Variants in GPAT4 observed in about 807,000 individuals in gnomAD.
GPAT4 encodes 1-AGP acyltransferase 6.
A neutral mutation model predicts 58.0 loss-of-function variants in GPAT4; 17 were observed. The ratio of observed to expected loss-of-function variants is 0.29; its 90% confidence interval spans 0.20 to 0.44. GPAT4 has a LOEUF of 0.44. Among genes scored for constraint, GPAT4 ranks in the 20% least tolerant of loss-of-function variants. The pLI, the probability that GPAT4 is intolerant of heterozygous loss-of-function variation, is 1.00. For missense variants in GPAT4, 377 were observed against 574.5 expected (o/e 0.66, Z 3.51); for synonymous variants, 204 against 210.1 (o/e 0.97, Z 0.25).
intron 12 of GPAT4, 65 bp from the exon 13 acceptor site, chr8:41,620,827 TC>T (rs2150509302): frequency 6.5e-7 from 1 of 1,539,914 alleles, no homozygotes; most frequent in African/African-American, 1.4e-5. Flanking sequence ...ATGGTGCATC[TC>T]CCATGGTGTG....
intron 1 of GPAT4, among the ~76,000 whole-genome samples, chr8:41,597,088 G>A (rs1417156725): frequency 6.6e-6 from 1 of 152,184 alleles, no homozygotes; most frequent in Non-Finnish European, 1.5e-5. Context: ...GTCAGGGGTT[G>A]ATTTTTAACT....
chr8:41,617,911 C>T (rs748485417), intron 10 of GPAT4, among the ~76,000 whole-genome samples: 1 of 152,218 alleles, frequency 6.6e-6, no homozygotes, highest in African/African-American at 2.4e-5. Flanking sequence ...TTGCTCCTTG[C>T]GCAACTTCCT....
chr8:41,606,431 G>A (rs1803273673), intron 2 of GPAT4, among the ~76,000 whole-genome samples: 1 of 152,178 alleles, frequency 6.6e-6, no homozygotes, highest in African/African-American at 2.4e-5. Flanking sequence ...AGTGTGCTGT[G>A]TGAGTATAGT....
At chr8:41,592,958 T>A (rs1802833685) in intron 1 of GPAT4, among the ~76,000 whole-genome samples, 1 of 152,190 alleles carries the variant, frequency 6.6e-6, no homozygotes, top group South Asian at 2.1e-4. Flanking sequence ...TCCTTTTCAT[T>A]TTTTATCCAC....
intron 2 of GPAT4, among the ~76,000 whole-genome samples, chr8:41,604,491 T>G (rs1185988614): frequency 6.6e-6 from 1 of 152,246 alleles, no homozygotes; most frequent in East Asian, 1.9e-4. Context: ...AGGGTTTTAG[T>G]GTTTGCTTAA....
chr8:41,599,647 T>C (rs188044062), intron 2 of GPAT4, among the ~76,000 whole-genome samples: 23 of 152,340 alleles, frequency 1.5e-4, no homozygotes, highest in African/African-American at 5.3e-4. Flanking sequence ...ATTCCCTCAC[T>C]GAGAAGCATG....
At chr8:41,609,375 T>C (rs752879225) in intron 2 of GPAT4, 41 bp from the exon 3 acceptor site, 2 of 1,585,288 alleles carry the variant, frequency 1.3e-6, no homozygotes, top group South Asian at 2.2e-5. Context: ...TGAAAACAGG[T>C]CTCATTCTTG....
At chr8:41,600,459 TGAA>T (rs1470409972) in intron 2 of GPAT4, among the ~76,000 whole-genome samples, 2 of 152,204 alleles carry the variant, frequency 1.3e-5, no homozygotes, top group African/African-American at 4.8e-5. Flanking sequence ...ATTTTATCAA[TGAA>T]GAAAAAGACT....
At position 41,599,289 on chromosome 8, in the gene GPAT4, G is replaced by A. The variant is rs1803018121; in HGVS notation, c.150G>A (p.Leu50=). 4 of 1,613,782 alleles carry A rather than the reference G, an allele frequency of 2.5e-6. No individual in the cohort carries two copies. The highest frequency in any genetic ancestry group is 3.4e-6 in the Non-Finnish European group (4 of 1,179,960). The change falls in exon 2 of 13, where the codon CTG becomes CTA. Residue 50 remains leucine (L), a synonymous_variant. Coordinates refer to ENST00000396987, the MANE Select transcript of GPAT4 (RefSeq NM_178819.4). The stretch of plus-strand genomic sequence containing the variant: ...TCCGCAAACTCTACATGAAAAGTCT[G>A]TTAAAAATCTTTGCGGTAAGTTATG... ...FGIRKLYMKS[L]LKIFAWATLR... is the part of the protein sequence containing the mutation.
At chr8:41,600,578 A>G (rs1803060393) in intron 2 of GPAT4, among the ~76,000 whole-genome samples, 1 of 151,228 alleles carries the variant, frequency 6.6e-6, no homozygotes, top group African/African-American at 2.4e-5. Flanking sequence ...TATGTCTATA[A>G]GCATATGGTG....
intron 1 of GPAT4, among the ~76,000 whole-genome samples, chr8:41,593,403 T>G (rs1176520828): frequency 6.6e-6 from 1 of 152,190 alleles, no homozygotes; most frequent in Admixed American, 6.5e-5. Flanking sequence ...TTTGACTGGA[T>G]GTATACACTG....
intron 2 of GPAT4, among the ~76,000 whole-genome samples, chr8:41,600,545 G>GT (rs1296773601): frequency 2.7e-5 from 4 of 150,038 alleles, no homozygotes; most frequent in Admixed American, 6.6e-5. Context: ...TGAATCTTGG[G>GT]TTTTTTCTTT....
chr8:41,606,818 G>A (rs1195214120), intron 2 of GPAT4, among the ~76,000 whole-genome samples: 1 of 152,178 alleles, frequency 6.6e-6, no homozygotes, highest in Non-Finnish European at 1.5e-5. Context: ...CCCTTCAAAA[G>A]TGTAGATGCT....
At chr8:41,605,852 A>G (rs1003392831) in intron 2 of GPAT4, among the ~76,000 whole-genome samples, 8 of 152,204 alleles carry the variant, frequency 5.3e-5, no homozygotes, top group Admixed American at 1.3e-4. Flanking sequence ...GATTACAGGC[A>G]TGATCCACTG....
chr8:41,606,219 G>A (rs972692402), intron 2 of GPAT4, among the ~76,000 whole-genome samples: 2 of 152,196 alleles, frequency 1.3e-5, no homozygotes, highest in Non-Finnish European at 1.5e-5. Flanking sequence ...TCAGAAGTAC[G>A]AGTCATGTGA....
chr8:41,620,756 C>T (rs1236744263), intron 12 of GPAT4, 137 bp from the exon 13 acceptor site: 8 of 1,407,720 alleles, frequency 5.7e-6, no homozygotes, highest in Non-Finnish European at 7.6e-6. Flanking sequence ...CTGAGGTTGT[C>T]TTGGTGAGAG....
intron 1 of GPAT4, among the ~76,000 whole-genome samples, chr8:41,583,464 T>A (rs961028393): frequency 2.6e-5 from 4 of 152,160 alleles, no homozygotes; most frequent in Admixed American, 6.5e-5. Context: ...TTTAAAAAAA[T>A]TGTATAAAGT....
intron 1 of GPAT4, among the ~76,000 whole-genome samples, chr8:41,589,378 G>A (rs1200131102): frequency 2.4e-5 from 3 of 125,776 alleles, no homozygotes; most frequent in South Asian, 5.9e-4. Flanking sequence ...GATGGGGTGG[G>A]ATGGGATGGG....
chr8:41,620,390 CTT>C (rs1177038295), intron 12 of GPAT4, among the ~76,000 whole-genome samples: 6 of 152,174 alleles, frequency 3.9e-5, no homozygotes, highest in East Asian at 3.8e-4. Context: ...TGACGGCACT[CTT>C]TTTTTGAGCA....
Sources: gnomAD v4.1 joint callset for allele counts (sites outside exome capture counted in the v4.1 genomes callset) on GRCh38, gnomAD v4.1.1 for gene constraint, MANE v1.5 for transcripts, NCBI Gene and HGNC (gene_info 2026-07-23, HGNC 2026-07-21) for gene names.